The following SLC25A40 variants were observed in gnomAD, a reference collection of about 807,000 sequenced individuals.
The protein encoded by SLC25A40 is mitochondrial glutathione transporter SLC25A40.
A neutral mutation model predicts 46.5 loss-of-function variants in SLC25A40; 41 were observed. The observed-to-expected ratio is 0.88, with a 90% CI of 0.69 to 1.14. The LOEUF (loss-of-function observed/expected upper bound fraction) is 1.14, where lower values mean the gene tolerates loss of function less well. SLC25A40 is among the 50% of genes most tolerant of loss of function. The pLI is 0.00. For synonymous variants in SLC25A40, 126 were observed against 127.5 expected, an observed-to-expected ratio of 0.99 and a Z score of 0.08; for missense variants, 386 against 393.6, an observed-to-expected ratio of 0.98 and a Z score of 0.16.
chr7:87,855,512 C>G (rs1376343136), intron 4 of SLC25A40, among the ~76,000 whole-genome samples: 2 of 152,220 alleles, frequency 1.3e-5, no homozygotes, highest in South Asian at 2.1e-4. Flanking sequence ...ATTGTCTTCT[C>G]TGCCCAACAG....
At chr7:87,858,834 A>G in intron 2 of SLC25A40, 83 bp from the exon 3 acceptor site, 3 of 731,932 alleles carry the variant, frequency 4.1e-6, no homozygotes, top group East Asian at 2.7e-5. Context: ...CTGGGTGAGC[A>G]GCATCACATT....
chr7:87,864,258 T>G (rs1838753684), intron 1 of SLC25A40, among the ~76,000 whole-genome samples: 1 of 152,232 alleles, frequency 6.6e-6, no homozygotes, highest in Non-Finnish European at 1.5e-5. Flanking sequence ...TCAGGGTGGA[T>G]GTGATAATTT....
chr7:87,854,752 C>T (rs1396961539), intron 4 of SLC25A40, among the ~76,000 whole-genome samples: 1 of 140,918 alleles, frequency 7.1e-6, no homozygotes, highest in African/African-American at 2.7e-5. Context: ...GCAGAGCTTG[C>T]AGTGAGCCAA....
At chr7:87,845,446 C>T (rs547129423) in intron 8 of SLC25A40, among the ~76,000 whole-genome samples, 2 of 152,212 alleles carry the variant, frequency 1.3e-5, no homozygotes, top group Middle Eastern at 3.4e-3. Context: ...TTGTTAACTG[C>T]GCATGTGAGG....
rs1464667055 is a variant in SLC25A40 at position 87,843,873 on chromosome 7, CAG to C, written c.632-12_632-11del. 3 of 1,556,028 alleles carry C rather than the reference CAG, an allele frequency of 1.9e-6. No homozygotes were observed. Among genetic ancestry groups the C allele is most frequent in the South Asian group, 1.1e-5 (1 of 87,884 alleles). On this transcript the variant is annotated splice_polypyrimidine_tract_variant and intron_variant, in intron 8 of 11. Coordinates refer to ENST00000341119, the MANE Select transcript of SLC25A40 (RefSeq NM_018843.4). ...TTATACCAGTACATTGCTATAAAAA[CAG>C]AGAATGAAATGAACACATATTTAGA...
In SLC25A40 at chr7:87,841,620, TAATTA is replaced by T. The variant is rs1286434379; in HGVS notation, c.823+8_823+12del. Reference sequence around the variant, plus strand: ...ATGGCATCTTAAAAATATTTTAAATTAATTAAACTTACTTTTATGACTTTCATATG... The same window carrying T: ...ATGGCATCTTAAAAATATTTTAAATTAACTTACTTTTATGACTTTCATATG... On this transcript the variant is annotated splice_region_variant and intron_variant, in intron 10 of 11. Coordinates refer to ENST00000341119, the MANE Select transcript of SLC25A40 (RefSeq NM_018843.4). The T allele has an allele frequency of 1.0e-5, 15 of 1,429,956 alleles. No individual in the cohort carries two copies. The highest frequency in any genetic ancestry group is 1.5e-5 in the African/African-American group (1 of 67,620). 88.6% of individuals were successfully genotyped at this position (1,429,956 alleles called of 1,614,324 possible). A position where few individuals can be genotyped will look rare whatever the true frequency, so the allele number is the denominator to read the frequency against.
chr7:87,869,265 C>T (rs958797548), intron 1 of SLC25A40, among the ~76,000 whole-genome samples: 2 of 152,124 alleles, frequency 1.3e-5, no homozygotes, highest in Admixed American at 6.5e-5. Flanking sequence ...GTGGCTCATG[C>T]CTGTATTCCT....
chr7:87,862,556 T>C (rs916940283), intron 1 of SLC25A40, among the ~76,000 whole-genome samples: 2 of 152,190 alleles, frequency 1.3e-5, no homozygotes, highest in Non-Finnish European at 2.9e-5. Context: ...TTAAAGTAAC[T>C]TACATTTAAG....
At chr7:87,845,681 A>G (rs946025950) in intron 8 of SLC25A40, among the ~76,000 whole-genome samples, 2 of 152,212 alleles carry the variant, frequency 1.3e-5, no homozygotes, top group African/African-American at 4.8e-5. Context: ...ATGTGGGAGA[A>G]AAATGAAATT....
intron 1 of SLC25A40, among the ~76,000 whole-genome samples, chr7:87,871,059 G>A (rs770155842): frequency 3.9e-5 from 6 of 152,180 alleles, no homozygotes; most frequent in Non-Finnish European, 8.8e-5. Flanking sequence ...GGCCGGTACA[G>A]TTTGCTCTTG....
At chr7:87,850,572 A>G (rs1047256203) in intron 5 of SLC25A40, among the ~76,000 whole-genome samples, 2 of 152,134 alleles carry the variant, frequency 1.3e-5, no homozygotes, top group Admixed American at 6.5e-5. Context: ...GTTCGACATC[A>G]GCCTGGGCAA....
intron 1 of SLC25A40, among the ~76,000 whole-genome samples, chr7:87,874,275 T>G (rs767189748): frequency 6.6e-6 from 1 of 152,150 alleles, no homozygotes; most frequent in Non-Finnish European, 1.5e-5. Flanking sequence ...TCACGGCAAA[T>G]AAGACACACA....
In SLC25A40 at chr7:87,874,351, A is replaced by T. The variant is rs188876415; in HGVS notation, c.-94+1745T>A. On this transcript the variant is annotated intron_variant, in intron 1 of 11. Transcript: ENST00000341119. ...TAAAAAAAAGTTCCTCAATAGAAGC[A>T]TGCTTAAAAATCTTTCCCACATCCT... 3.9e-4 allele frequency among the ~76,000 whole-genome samples: 59 copies of T among 152,326 alleles called. No individual in the cohort carries two copies. The East Asian group carries it at 4.6e-3, about 12-fold the overall frequency.
intron 10 of SLC25A40, among the ~76,000 whole-genome samples, chr7:87,838,024 C>T (rs1838281204): frequency 6.6e-6 from 1 of 151,358 alleles, no homozygotes; most frequent in African/African-American, 2.4e-5. Context: ...GTGATTATCT[C>T]CAAATTTCAT....
intron 1 of SLC25A40, among the ~76,000 whole-genome samples, chr7:87,870,000 T>C (rs762288129): frequency 1.8e-4 from 28 of 152,224 alleles, no homozygotes; most frequent in Admixed American, 6.5e-5. Context: ...TTTGAATATA[T>C]GAATCGTGAA....
chr7:87,847,409 C>T (rs1838437743), intron 7 of SLC25A40, among the ~76,000 whole-genome samples: 1 of 152,084 alleles, frequency 6.6e-6, no homozygotes, highest in Non-Finnish European at 1.5e-5. Context: ...CTATGAAAAC[C>T]AAAGCCCATT....
intron 1 of SLC25A40, among the ~76,000 whole-genome samples, chr7:87,860,969 G>A (rs1465195560): frequency 6.6e-6 from 1 of 152,174 alleles, no homozygotes; most frequent in Non-Finnish European, 1.5e-5. Context: ...AAATTAAAGG[G>A]CCAGCATCAT....
chr7:87,867,627 C>T (rs188264703), intron 1 of SLC25A40, among the ~76,000 whole-genome samples: 53 of 152,138 alleles, frequency 3.5e-4, no homozygotes, highest in African/African-American at 1.2e-3. Flanking sequence ...GGTCACTGTT[C>T]CCTATTTGTT....
intron 4 of SLC25A40, 26 bp from the exon 5 acceptor site, chr7:87,854,336 A>G (rs1461226627): frequency 2.2e-6 from 3 of 1,352,846 alleles, no homozygotes. Flanking sequence ...CCAACAACCA[A>G]CAATTACCTC....
Sources: gnomAD v4.1 joint callset for allele counts (sites outside exome capture counted in the v4.1 genomes callset) on GRCh38, gnomAD v4.1.1 for gene constraint, MANE v1.5 for transcripts, NCBI Gene and HGNC (gene_info 2026-07-23, HGNC 2026-07-21) for gene names.